The following WDFY4 variants were observed in gnomAD, a reference collection of about 807,000 sequenced individuals.
WDFY4 encodes the protein WD repeat- and FYVE domain-containing protein 4.
A neutral mutation model predicts 351.9 loss-of-function variants in WDFY4; 169 were observed. That is an observed-to-expected ratio of 0.48 (90% CI 0.42 to 0.55). The LOEUF is 0.55. Among genes scored for constraint, WDFY4 ranks in the 20% least tolerant of loss-of-function variants. The probability of loss-of-function intolerance (pLI) is 0.00; values close to 1 mark genes in which losing one functional copy is unlikely to be tolerated. For missense variants in WDFY4, 3,803 were observed against 3,935.6 expected (o/e 0.97, Z 0.90); for synonymous variants, 1,622 against 1,574.6 (o/e 1.03, Z -0.71).
chr10:48,820,024 GCA>G (rs2132983397), intron 32 of WDFY4, among the ~76,000 whole-genome samples: 1 of 152,262 alleles, frequency 6.6e-6, no homozygotes, highest in East Asian at 1.9e-4. Flanking sequence ...TAGCTTCTTT[GCA>G]CAACACTTGG....
rs1565198694 is a variant in WDFY4, at chr10:48,787,907, TTCTTCTTC to T, written c.3809-621_3809-614del. 5.8e-3 allele frequency among the ~76,000 whole-genome samples: 220 copies of T among 37,850 alleles called. 2 individuals are homozygous for T. Among genetic ancestry groups the T allele is most frequent in the Middle Eastern group, 0.01 (1 of 98 alleles). The allele number at this position is 37,850 out of a possible 152,430, so 24.8% of individuals were successfully genotyped here. A position where few individuals can be genotyped will look rare whatever the true frequency, so the allele number is the denominator to read the frequency against. ...CTTCTTCTTCTCCTTCTTCTTCTTC[TTCTTCTTC>T]TTCTTCTTCTTCTTCTTCTTCTTCT... On this transcript the variant is annotated intron_variant, in intron 20 of 61. Transcript: ENST00000325239.
rs2066496734 is a variant in WDFY4 at position 48,787,893 on chromosome 10, C to CTTT, written c.3809-637_3809-636insTTT. On this transcript the variant is annotated intron_variant, in intron 20 of 61. Transcript: ENST00000325239. ...TTTCTTCTTTCTTTCTTCTTCTTCT[C>CTTT]CTTCTTCTTCTTCTTCTTCTTCTTC... 7.7e-4 allele frequency among the ~76,000 whole-genome samples: 37 copies of CTTT among 48,142 alleles called. 3 individuals are homozygous for CTTT. Among genetic ancestry groups the CTTT allele is most frequent in the African/African-American group, 3.3e-3 (29 of 8,870 alleles). The allele number at this position is 48,142 out of a possible 152,430, so 31.6% of individuals were successfully genotyped here.
chr10:48,777,354 C>T, intron 16 of WDFY4, 65 bp from the exon 17 acceptor site: 2 of 1,425,420 alleles, frequency 1.4e-6, no homozygotes, highest in South Asian at 2.5e-5. Flanking sequence ...ATGGCCCAGA[C>T]TAGCTGTGTC....
intron 53 of WDFY4, among the ~76,000 whole-genome samples, chr10:48,960,080 C>G (rs1431643674): frequency 6.6e-6 from 1 of 152,206 alleles, no homozygotes; most frequent in Non-Finnish European, 1.5e-5. Flanking sequence ...CCCTGGAGGG[C>G]AGGTCAGTGT....
intron 17 of WDFY4, among the ~76,000 whole-genome samples, chr10:48,778,369 G>A (rs1302480855): frequency 6.6e-6 from 1 of 152,260 alleles, no homozygotes; most frequent in Non-Finnish European, 1.5e-5. Context: ...GCCCCACAGA[G>A]CACACTGCCT....
rs75042508 is a variant in WDFY4 at position 48,864,452 on chromosome 10, A to G, written c.6664-2813A>G. Among the ~76,000 whole-genome samples, 633 of 152,338 alleles carry G rather than the reference A, an allele frequency of 4.2e-3. 2 individuals are homozygous for G. The highest frequency in any genetic ancestry group is 0.014 in the African/African-American group (596 of 41,582). ...TCCATTGATGTATATATCTATTCTT[A>G]TGCCAGTGCTGCACTGCCTTGTTTG... On this transcript the variant is annotated intron_variant, in intron 39 of 61. Transcript: ENST00000325239.
chr10:48,824,164 T>C, intron 35 of WDFY4: 1 of 985,462 alleles, frequency 1.0e-6, no homozygotes, highest in Non-Finnish European at 1.2e-6. Flanking sequence ...GGACTCCGTC[T>C]CCAGTAGATG....
intron 47 of WDFY4, chr10:48,910,192 TTA>T: frequency 3.9e-6 from 3 of 761,648 alleles, no homozygotes; most frequent in Non-Finnish European, 6.6e-6. Flanking sequence ...TCAGAGTCGT[TTA>T]TTCTGTTAGC....
chr10:48,959,913 C>A, intron 53 of WDFY4, 100 bp downstream of exon 53: 1 of 1,087,660 alleles, frequency 9.2e-7, no homozygotes, highest in Non-Finnish European at 1.3e-6. Context: ...GTGACCAGCA[C>A]TGTGAGGCTC....
chr10:48,728,821 G>A (rs915227961), intron 7 of WDFY4, among the ~76,000 whole-genome samples: 1 of 152,228 alleles, frequency 6.6e-6, no homozygotes, highest in African/African-American at 2.4e-5. Flanking sequence ...GAATTCTTGT[G>A]GAAGGCAGGA....
chr10:48,776,224 G>A (rs2066025625), intron 15 of WDFY4, among the ~76,000 whole-genome samples: 1 of 152,242 alleles, frequency 6.6e-6, no homozygotes, highest in Non-Finnish European at 1.5e-5. Flanking sequence ...CCTGGGGAAT[G>A]TTGGCCAGGG....
chr10:48,940,773 T>A (rs1338245359), intron 47 of WDFY4, among the ~76,000 whole-genome samples: 1 of 152,122 alleles, frequency 6.6e-6, no homozygotes, highest in Non-Finnish European at 1.5e-5. Flanking sequence ...CCTTGGAGGC[T>A]GAGGAGCTGG....
chr10:48,896,942 C>T (rs1837106244), intron 44 of WDFY4, among the ~76,000 whole-genome samples: 3 of 152,178 alleles, frequency 2.0e-5, no homozygotes, highest in Non-Finnish European at 4.4e-5. Context: ...TATCCTGGGG[C>T]TGAGACTGTC....
intron 50 of WDFY4, among the ~76,000 whole-genome samples, 164 bp from the exon 51 acceptor site, chr10:48,946,696 T>C (rs78155162): frequency 0.047 from 7,086 of 152,324 alleles, 542 homozygotes; most frequent in African/African-American, 0.16. Context: ...TCACGTGCCG[T>C]CTGTGATCTT....
intron 24 of WDFY4, among the ~76,000 whole-genome samples, chr10:48,800,743 T>TTTTGTTTTGAGATGAGGTCTCACTC (rs2067058366): frequency 6.8e-6 from 1 of 148,058 alleles, no homozygotes; most frequent in African/African-American, 2.5e-5. Context: ...TTTTTTTTTT[T>TTTTGTTTTGAGATGAGGTCTCACTC]TTGTTTTGAG....
rs1042314740 is a variant in WDFY4 at position 48,772,691 on chromosome 10, C to T, written c.2554-1767C>T. ...AGGTATATCTCCCAATGCTATCCCT[C>T]CCCCTTACCCCCACCCCACCACAGT... On this transcript the variant is annotated intron_variant, in intron 13 of 61. Transcript: ENST00000325239. Among the ~76,000 whole-genome samples, 8 of 147,276 alleles carry T rather than the reference C, an allele frequency of 5.4e-5. No individual in the cohort carries two copies. The East Asian group carries it at 1.0e-3, about 18-fold the overall frequency.
intron 14 of WDFY4, among the ~76,000 whole-genome samples, chr10:48,775,052 G>C (rs1352108999): frequency 6.6e-6 from 1 of 152,154 alleles, no homozygotes; most frequent in African/African-American, 2.4e-5. Flanking sequence ...TAAGCATGTA[G>C]GGACTGCAGA....
chr10:48,906,228 G>T (rs1202745278), intron 47 of WDFY4, among the ~76,000 whole-genome samples: 2 of 152,190 alleles, frequency 1.3e-5, no homozygotes, highest in Non-Finnish European at 2.9e-5. Context: ...CTTGGCCTAG[G>T]CTACAGATTT....
At chr10:48,879,363 A>C (rs1730015908) in intron 43 of WDFY4, among the ~76,000 whole-genome samples, 1 of 152,192 alleles carries the variant, frequency 6.6e-6, no homozygotes, top group South Asian at 2.1e-4. Flanking sequence ...CAAGTCTGAG[A>C]ACTGTGTCAG....
Sources: gnomAD v4.1 joint callset for allele counts (sites outside exome capture counted in the v4.1 genomes callset) on GRCh38, gnomAD v4.1.1 for gene constraint, MANE v1.5 for transcripts, NCBI Gene and HGNC (gene_info 2026-07-23, HGNC 2026-07-21) for gene names.